Variants in TMOD1 observed in about 807,000 individuals in gnomAD.
TMOD1 encodes tropomodulin-1.
In TMOD1, 17 loss-of-function variants were observed where a neutral mutation model predicts 40.6. The ratio of observed to expected loss-of-function variants is 0.42; its 90% confidence interval spans 0.29 to 0.63. The LOEUF (loss-of-function observed/expected upper bound fraction) is 0.63, where lower values mean the gene tolerates loss of function less well. Ranked by LOEUF, TMOD1 falls within the 20% of genes least tolerant of loss-of-function variation. TMOD1 has a pLI of 0.22. For synonymous variants in TMOD1, 181 were observed against 175.0 expected (o/e 1.03, Z -0.27); for missense variants, 391 against 447.6 (o/e 0.87, Z 1.14).
intron 1 of TMOD1, among the ~76,000 whole-genome samples, chr9:97,506,379 T>C (rs1484986662): frequency 6.6e-6 from 1 of 152,190 alleles, no homozygotes; most frequent in Non-Finnish European, 1.5e-5. Flanking sequence ...TGTGACATAG[T>C]ACAGGCACTT....
chr9:97,508,760 C>T (rs141056747), intron 1 of TMOD1, among the ~76,000 whole-genome samples: 2 of 152,184 alleles, frequency 1.3e-5, no homozygotes, highest in East Asian at 1.9e-4. Flanking sequence ...AAAAGTCATG[C>T]CCACCTAGCA....
At chr9:97,565,682 T>C (rs1352978261) in intron 6 of TMOD1, among the ~76,000 whole-genome samples, 166 bp from the exon 7 acceptor site, 1 of 152,186 alleles carries the variant, frequency 6.6e-6, no homozygotes, top group Non-Finnish European at 1.5e-5. Context: ...ACCAGAAAGT[T>C]CTCCCCAGAT....
rs186090234 is a variant in TMOD1 at position 97,586,996 on chromosome 9, G to A, written c.871-4295G>A. Among the ~76,000 whole-genome samples the A allele has an allele frequency of 1.1e-3, 166 of 152,342 alleles. 1 individual carries two copies. The highest frequency in any genetic ancestry group is 3.6e-3 in the African/African-American group (149 of 41,576). On this transcript the variant is annotated intron_variant, in intron 8 of 9. Coordinates refer to ENST00000259365, the MANE Select transcript of TMOD1 (RefSeq NM_003275.4). Reference sequence around the variant, plus strand: ...TTGCTCACGCTGGGAGCTGTAGACCGGAGCTGTTCCTATTCGGCCATCTTG... The same window carrying A: ...TTGCTCACGCTGGGAGCTGTAGACCAGAGCTGTTCCTATTCGGCCATCTTG...
intron 2 of TMOD1, among the ~76,000 whole-genome samples, chr9:97,532,447 C>T (rs191065022): frequency 1.4e-3 from 219 of 152,282 alleles, no homozygotes; most frequent in African/African-American, 4.8e-3. Context: ...CTTCACACCC[C>T]TAGCACAGCA....
chr9:97,525,298 G>A (rs900627852), intron 2 of TMOD1, among the ~76,000 whole-genome samples: 6 of 151,936 alleles, frequency 3.9e-5, no homozygotes, highest in South Asian at 2.1e-4. Flanking sequence ...CAGTAAAGTC[G>A]GTATCAAACA....
chr9:97,540,252 C>A (rs979930253), intron 2 of TMOD1, among the ~76,000 whole-genome samples: 6 of 152,170 alleles, frequency 3.9e-5, no homozygotes, highest in South Asian at 4.1e-4. Context: ...ATTCCGGAGG[C>A]TTAGAAGTCC....
At chr9:97,539,864 G>T (rs917238379) in intron 2 of TMOD1, among the ~76,000 whole-genome samples, 10 of 151,300 alleles carry the variant, frequency 6.6e-5, no homozygotes, top group African/African-American at 2.4e-4. Context: ...TACTCAGGAG[G>T]CTGAGGCAGG....
chr9:97,531,040 C>G lies in TMOD1; in HGVS notation c.120+6732C>G, dbSNP rs972027298. ...TGACCTTAGGTGATCCACACCCACC[C>G]CCCCCACCACCCCTTGGCCTCCCAA... On this transcript the variant is annotated intron_variant, in intron 2 of 9. Coordinates refer to ENST00000259365, the MANE Select transcript of TMOD1 (RefSeq NM_003275.4). 1.5e-4 allele frequency among the ~76,000 whole-genome samples: 20 copies of G among 135,492 alleles called. 2 individuals carry two copies. The highest frequency in any genetic ancestry group is 4.3e-4 in the African/African-American group (16 of 36,804). The allele number at this position is 135,492 out of a possible 152,430, so 88.9% of individuals were successfully genotyped here.
intron 8 of TMOD1, among the ~76,000 whole-genome samples, chr9:97,586,454 TTTTG>T (rs1253710782): frequency 2.0e-5 from 3 of 151,564 alleles, no homozygotes; most frequent in Admixed American, 6.6e-5. Context: ...ACTGCTGTCT[TTTTG>T]TTTGTCTGTG....
chr9:97,575,037 A>G (rs1830904607), intron 8 of TMOD1, among the ~76,000 whole-genome samples: 1 of 152,234 alleles, frequency 6.6e-6, no homozygotes, highest in South Asian at 2.1e-4. Flanking sequence ...CGGATAACGC[A>G]GTGGCAACCC....
chr9:97,534,094 A>G (rs1006942634), intron 2 of TMOD1, among the ~76,000 whole-genome samples: 48 of 152,376 alleles, frequency 3.2e-4, no homozygotes, highest in African/African-American at 1.1e-3. Context: ...GAAAGTTACC[A>G]GAAATTGCCA....
chr9:97,530,787 C>CTT (rs57086657), intron 2 of TMOD1, among the ~76,000 whole-genome samples: 17,879 of 90,876 alleles, frequency 0.2, 2,672 homozygotes, highest in Middle Eastern at 0.27. Context: ...CCGGGCCCGG[C>CTT]TTTTTTTTTT....
rs546803731 is a variant in TMOD1 at position 97,502,519 on chromosome 9, C to T, written c.-49+716C>T. Among the ~76,000 whole-genome samples, 2 of 152,244 alleles carry T rather than the reference C, an allele frequency of 1.3e-5. No homozygotes were observed. Among genetic ancestry groups the T allele is most frequent in the African/African-American group, 4.8e-5 (2 of 41,560 alleles). ...GATCTCAGTCTCCCATTTGTAGGGG[C>T]GAGGTTTGGTAGCCGCGATGGAGCT... On this transcript the variant is annotated intron_variant, in intron 1 of 9. Coordinates refer to ENST00000259365, the MANE Select transcript of TMOD1 (RefSeq NM_003275.4). This position sits in a 1 kb window ranked among gnomAD's most constrained non-coding sequence, Gnocchi z 6.1.
At chr9:97,564,679 GAT>G (rs910185076) in intron 6 of TMOD1, among the ~76,000 whole-genome samples, 7 of 152,208 alleles carry the variant, frequency 4.6e-5, no homozygotes, top group African/African-American at 1.7e-4. Context: ...TGTCCAAAGC[GAT>G]ATCCCAAGCT....
At chr9:97,572,393 A>G (rs2131272893) in intron 8 of TMOD1, among the ~76,000 whole-genome samples, 1 of 152,280 alleles carries the variant, frequency 6.6e-6, no homozygotes, top group South Asian at 2.1e-4. Context: ...GACTGGGGGC[A>G]AGGAGAGGGT....
intron 2 of TMOD1, among the ~76,000 whole-genome samples, chr9:97,542,996 G>A (rs543738226): frequency 1.3e-5 from 2 of 152,334 alleles, no homozygotes; most frequent in East Asian, 3.9e-4. Flanking sequence ...GGGTAGAGTG[G>A]CCTCCACAAC....
rs191121504 is a variant in TMOD1, at chr9:97,504,277, G to C, written c.-49+2474G>C. Among the ~76,000 whole-genome samples, 41 of 152,316 alleles carry C rather than the reference G, an allele frequency of 2.7e-4. No homozygotes were observed. In the East Asian group the frequency reaches 7.1e-3, roughly 27 times the overall value. ...AATGATAGTATTCGTTGTGGTGAGG[G>C]GGAAAGGCAGGAGCTAACAGGAGCT... On this transcript the variant is annotated intron_variant, in intron 1 of 9. Coordinates refer to ENST00000259365, the MANE Select transcript of TMOD1 (RefSeq NM_003275.4).
intron 9 of TMOD1, among the ~76,000 whole-genome samples, chr9:97,593,861 T>C (rs961197105): frequency 6.6e-6 from 1 of 151,602 alleles, no homozygotes; most frequent in African/African-American, 2.4e-5. Flanking sequence ...GACAGAAGGA[T>C]CTAAAAGGAT....
At chr9:97,510,398 T>C (rs1313946773) in intron 1 of TMOD1, among the ~76,000 whole-genome samples, 1 of 152,068 alleles carries the variant, frequency 6.6e-6, no homozygotes, top group Non-Finnish European at 1.5e-5. Context: ...GCCTGGCTAA[T>C]TTTTGTATTT....
Sources: gnomAD v4.1 joint callset for allele counts (sites outside exome capture counted in the v4.1 genomes callset) on GRCh38, gnomAD v4.1.1 for gene constraint, Gnocchi (gnomAD v3.1) non-coding constraint, MANE v1.5 for transcripts, NCBI Gene and HGNC (gene_info 2026-07-23, HGNC 2026-07-21) for gene names.